EVL: variants seen among roughly 807,000 people sequenced by gnomAD.
The protein encoded by EVL is Enah/Vasp-like.
Under a neutral mutation model 59.6 loss-of-function variants are expected in EVL, and 21 were observed. The observed-to-expected ratio is 0.35, with a 90% CI of 0.25 to 0.51. The LOEUF (loss-of-function observed/expected upper bound fraction) is 0.51. Ranked by LOEUF, EVL falls within the 20% of genes least tolerant of loss-of-function variation. The pLI is 0.97. For synonymous variants in EVL, 198 were observed against 203.5 expected (o/e 0.97, Z 0.23); for missense variants, 462 against 546.6 (o/e 0.85, Z 1.54).
intron 1 of EVL, among the ~76,000 whole-genome samples, chr14:100,030,715 C>T (rs551017627): frequency 6.6e-6 from 1 of 152,308 alleles, no homozygotes; most frequent in South Asian, 2.1e-4. Flanking sequence ...TGCAAATTCC[C>T]TGGTCTGAGA....
intron 1 of EVL, chr14:99,974,616 G>C (rs1191031): frequency 0.11 from 15,995 of 152,242 alleles, 1,154 homozygotes; most frequent in East Asian, 0.28. Context: ...TAGAGATGAG[G>C]TGTACCAGCA....
intron 1 of EVL, among the ~76,000 whole-genome samples, chr14:100,056,652 G>A (rs999146611): frequency 1.1e-4 from 16 of 152,108 alleles, no homozygotes; most frequent in African/African-American, 3.4e-4. Flanking sequence ...TAGCACATGT[G>A]GTCTACTTCT....
chr14:100,125,253 TACACACACACACACAC>T (rs34556561), intron 4 of EVL, among the ~76,000 whole-genome samples: 11 of 119,606 alleles, frequency 9.2e-5, no homozygotes, highest in East Asian at 2.5e-4. Flanking sequence ...AAGGCAGGAA[TACACACACACACACAC>T]ACACACACAC....
chr14:100,031,662 G>A (rs1421579592), intron 1 of EVL, among the ~76,000 whole-genome samples: 2 of 152,118 alleles, frequency 1.3e-5, no homozygotes, highest in African/African-American at 2.4e-5. Context: ...AGGGCATTTC[G>A]TAATAATTTA....
At chr14:100,022,526 C>T (rs564082551) in intron 1 of EVL, among the ~76,000 whole-genome samples, 2 of 152,236 alleles carry the variant, frequency 1.3e-5, no homozygotes, top group East Asian at 3.9e-4. Context: ...GTGATCTACC[C>T]ACCTTGGCCC....
rs1481331672 is a variant in EVL at position 100,120,147 on chromosome 14, C to T, written c.359-3392C>T. The stretch of plus-strand genomic sequence containing the variant: ...GCAGGGCATCGTTACACTGCTGCAT[C>T]CTCTCTGGACAAGCATGAACTTGGG... On this transcript the variant is annotated intron_variant, in intron 3 of 13. Transcript: ENST00000392920. Among the ~76,000 whole-genome samples the T allele has an allele frequency of 4.6e-5, 7 of 152,204 alleles. 1 individual carries two copies.
At chr14:100,095,554 G>A (rs1381167560) in intron 2 of EVL, among the ~76,000 whole-genome samples, 2 of 152,152 alleles carry the variant, frequency 1.3e-5, no homozygotes, top group Non-Finnish European at 2.9e-5. Flanking sequence ...ACTAAACCTA[G>A]TCACCCCCAG....
intron 1 of EVL, among the ~76,000 whole-genome samples, chr14:100,021,675 TG>T (rs953236760): frequency 6.6e-6 from 1 of 152,204 alleles, no homozygotes; most frequent in Non-Finnish European, 1.5e-5. Context: ...TGAGTAGATC[TG>T]GGGCGAGGCC....
rs189896199 is a variant in EVL at position 100,096,477 on chromosome 14, A to G, written c.181-1004A>G. 4.0e-4 allele frequency among the ~76,000 whole-genome samples: 61 copies of G among 152,202 alleles called. 1 individual carries two copies. The East Asian group carries it at 0.011, about 28-fold the overall frequency. On this transcript the variant is annotated intron_variant, in intron 2 of 13. Transcript: ENST00000392920. Reference sequence around the variant, plus strand: ...GGAGCTGTGTCAGTTACTTTCTCATATATAATTTAATCCTCACAACACACT... The same window carrying G: ...GGAGCTGTGTCAGTTACTTTCTCATGTATAATTTAATCCTCACAACACACT...
chr14:100,030,793 A>G (rs2061302620), intron 1 of EVL, among the ~76,000 whole-genome samples: 1 of 152,164 alleles, frequency 6.6e-6, no homozygotes, highest in African/African-American at 2.4e-5. Context: ...TGATAATACA[A>G]CCAGAGCCCA....
intron 2 of EVL, 135 bp from the exon 3 acceptor site, chr14:100,097,345 TG>T (rs140837823): frequency 0.062 from 45,256 of 724,876 alleles, 2,388 homozygotes; most frequent in African/African-American, 0.17. Flanking sequence ...TACCTGATAT[TG>T]CTTTTCCCTT....
chr14:100,098,955 G>A (rs1170679564), intron 3 of EVL, among the ~76,000 whole-genome samples: 2 of 152,066 alleles, frequency 1.3e-5, no homozygotes, highest in Non-Finnish European at 2.9e-5. Flanking sequence ...GTATTATTAC[G>A]ATCATTATTG....
chr14:100,132,591 C>A, intron 7 of EVL, 128 bp from the exon 8 acceptor site: 1 of 1,072,854 alleles, frequency 9.3e-7, no homozygotes, highest in Non-Finnish European at 1.4e-6. Context: ...GCCTCCTTCA[C>A]GCCATCGTTT....
intron 1 of EVL, among the ~76,000 whole-genome samples, chr14:100,060,282 T>A (rs1177026943): frequency 6.6e-6 from 1 of 151,516 alleles, no homozygotes; most frequent in Non-Finnish European, 1.5e-5. Context: ...ATACAAAAAA[T>A]TAGCCGGGCG....
At chr14:99,975,708 G>T (rs538716719) in intron 1 of EVL, among the ~76,000 whole-genome samples, 1 of 145,852 alleles carries the variant, frequency 6.9e-6, no homozygotes, top group African/African-American at 2.4e-5. Flanking sequence ...CATCTGACAG[G>T]AGGCAGACTG....
chr14:100,021,030 C>T (rs1207756057), intron 1 of EVL, among the ~76,000 whole-genome samples: 1 of 152,146 alleles, frequency 6.6e-6, no homozygotes, highest in East Asian at 1.9e-4. Context: ...CCCCTGGGTT[C>T]TAATGTCTGT....
intron 1 of EVL, among the ~76,000 whole-genome samples, chr14:100,005,125 C>G (rs2060970313): frequency 6.6e-6 from 1 of 152,198 alleles, no homozygotes; most frequent in Non-Finnish European, 1.5e-5. Context: ...GATCTGACCG[C>G]CTCCATCTTG....
chr14:100,063,228 C>G (rs141396745), upstream of EVL, among the ~76,000 whole-genome samples: 11 of 152,160 alleles, frequency 7.2e-5, no homozygotes, highest in African/African-American at 2.7e-4. Context: ...TCACACGAGT[C>G]CTTAAAAGTA....
rs1393990920 is a variant in EVL at position 100,128,673 on chromosome 14, G to A, written c.642G>A (p.Gly214=). ...PPPLPAGGAQ[G]SSHDESSMSG... ...CACTGCCAGCCGGAGGAGCCCAGGGGTCCAGCCACGACGAGAGCTCCATGT... is the reference window on the plus strand; with the variant it reads ...CACTGCCAGCCGGAGGAGCCCAGGGATCCAGCCACGACGAGAGCTCCATGT... Residue 214 remains glycine, a synonymous_variant, in exon 6 of 14, where the codon GGG becomes GGA. Transcript: ENST00000392920. 3 of 1,605,390 alleles carry A rather than the reference G, an allele frequency of 1.9e-6. No individual in the cohort carries two copies. In the Admixed American group the frequency reaches 5.0e-5, roughly 27 times the overall value.
Sources: gnomAD v4.1 joint callset for allele counts (sites outside exome capture counted in the v4.1 genomes callset) on GRCh38, gnomAD v4.1.1 for gene constraint, MANE v1.5 for transcripts, NCBI Gene and HGNC (gene_info 2026-07-23, HGNC 2026-07-21) for gene names.